The following SLC17A6 variants were observed in gnomAD, a reference collection of about 807,000 sequenced individuals.
SLC17A6 encodes the protein vesicular glutamate transporter 2.
In SLC17A6, 35 loss-of-function variants were observed where a neutral mutation model predicts 67.1. That is an observed-to-expected ratio of 0.52 (90% CI 0.40 to 0.69). SLC17A6 has a LOEUF of 0.69. Among genes scored for constraint, SLC17A6 ranks in the 30% least tolerant of loss-of-function variants. The pLI is 0.00. For missense variants in SLC17A6, 588 were observed against 723.9 expected (o/e 0.81, Z 2.15); for synonymous variants, 285 against 252.3 (o/e 1.13, Z -1.23).
chr11:22,374,284 A>G (rs1021815845), intron 8 of SLC17A6, among the ~76,000 whole-genome samples: 3 of 152,226 alleles, frequency 2.0e-5, no homozygotes, highest in African/African-American at 4.8e-5. Flanking sequence ...CTTACTCTAT[A>G]GAAATTATGT....
intron 3 of SLC17A6, among the ~76,000 whole-genome samples, chr11:22,357,790 C>T (rs1856007461): frequency 6.6e-6 from 1 of 152,108 alleles, no homozygotes; most frequent in African/African-American, 2.4e-5. Context: ...AAAAGTTTGT[C>T]CTCAAACCTT....
intron 8 of SLC17A6, among the ~76,000 whole-genome samples, chr11:22,373,301 C>T (rs1396916627): frequency 1.3e-5 from 2 of 152,102 alleles, no homozygotes; most frequent in Admixed American, 6.5e-5. Context: ...AAAAATATGC[C>T]ATGTAATTCT....
At chr11:22,339,970 C>A (rs1321665781) in intron 1 of SLC17A6, among the ~76,000 whole-genome samples, 1 of 151,928 alleles carries the variant, frequency 6.6e-6, no homozygotes, top group East Asian at 1.9e-4. Context: ...GCAATGTTTT[C>A]TAACATTGTG....
At chr11:22,342,642 A>G (rs1855830310) in intron 2 of SLC17A6, among the ~76,000 whole-genome samples, 1 of 152,018 alleles carries the variant, frequency 6.6e-6, no homozygotes, top group Non-Finnish European at 1.5e-5. Context: ...CCTGCCCCGT[A>G]TTTATTAAAA....
chr11:22,343,350 G>C lies in SLC17A6; in HGVS notation c.443G>C (p.Arg148Pro). ...ATTCCGGGAGGCTACATCGCGTCTC[G>C]GCTGGCAGCCAACAGGTAATGCGCC... ...TQIPGGYIAS[R>P]LAANRVFGAA... Residue 148 changes from arginine (R) to proline (P), a missense_variant, in exon 3 of 12, where the codon CGG becomes CCG. This residue lies in a region of SLC17A6 where 414 missense variants were observed against 563.4 expected (regional missense o/e 0.73). Transcript: ENST00000263160. 6.2e-7 allele frequency: 1 copy of C among 1,610,938 alleles called. No individual in the cohort carries two copies. Among genetic ancestry groups the C allele is most frequent in the Non-Finnish European group, 8.5e-7 (1 of 1,179,206 alleles).
intron 6 of SLC17A6, 134 bp downstream of exon 6, chr11:22,362,959 C>T (rs990250264): frequency 1.5e-6 from 1 of 653,182 alleles, no homozygotes; most frequent in African/African-American, 1.8e-5. Flanking sequence ...AAGAATCCTT[C>T]CATTGTATTC....
chr11:22,338,689 C>T (rs1034620271), intron 1 of SLC17A6, 70 bp downstream of exon 1: 70 of 1,105,420 alleles, frequency 6.3e-5, no homozygotes, highest in Middle Eastern at 2.0e-4. Context: ...TTTCCGTAAA[C>T]CCTGGTGGCT....
At chr11:22,340,443 T>C (rs1030612562) in intron 1 of SLC17A6, among the ~76,000 whole-genome samples, 1 of 152,238 alleles carries the variant, frequency 6.6e-6, no homozygotes, top group Non-Finnish European at 1.5e-5. Flanking sequence ...CCTTTTCATT[T>C]GTCCCTTCTC....
chr11:22,355,567 C>A (rs1855985723), intron 3 of SLC17A6, among the ~76,000 whole-genome samples: 1 of 152,090 alleles, frequency 6.6e-6, no homozygotes, highest in South Asian at 2.1e-4. Flanking sequence ...TCTGAAGTCA[C>A]CCCAAACTCA....
At chr11:22,366,266 GC>G (rs78471812) in intron 7 of SLC17A6, among the ~76,000 whole-genome samples, 9 of 151,614 alleles carry the variant, frequency 5.9e-5, no homozygotes, top group South Asian at 2.1e-4. Context: ...AAGTGAATGT[GC>G]CCCCCCCACC....
intron 1 of SLC17A6, 106 bp from the exon 2 acceptor site, chr11:22,341,422 G>A: frequency 1.3e-6 from 2 of 1,488,976 alleles, no homozygotes; most frequent in Middle Eastern, 2.5e-4. Context: ...GGGGGAGGTC[G>A]ACGGCCCTCC....
intron 7 of SLC17A6, among the ~76,000 whole-genome samples, chr11:22,369,679 G>C (rs920996180): frequency 6.6e-6 from 1 of 151,616 alleles, no homozygotes; most frequent in Non-Finnish European, 1.5e-5. Context: ...GTGGCAGTGA[G>C]TTTTTGCTGA....
intron 3 of SLC17A6, among the ~76,000 whole-genome samples, chr11:22,351,454 A>G (rs1403456431): frequency 1.3e-5 from 2 of 152,166 alleles, no homozygotes; most frequent in South Asian, 2.1e-4. Context: ...TATGACCATG[A>G]AGGCAGGCAT....
chr11:22,352,489 C>G (rs568292041), intron 3 of SLC17A6, among the ~76,000 whole-genome samples: 2 of 152,244 alleles, frequency 1.3e-5, no homozygotes, highest in African/African-American at 2.4e-5. Flanking sequence ...CTACATATAC[C>G]TCAGAAGAGG....
intron 3 of SLC17A6, among the ~76,000 whole-genome samples, chr11:22,346,809 TA>T (rs1271195407): frequency 4.7e-5 from 7 of 148,480 alleles, no homozygotes; most frequent in Non-Finnish European, 1.0e-4. Flanking sequence ...AAATAGCATA[TA>T]TATATATAAT....
intron 6 of SLC17A6, 28 bp downstream of exon 6, chr11:22,362,853 T>G: frequency 6.4e-7 from 1 of 1,569,048 alleles, no homozygotes; most frequent in Middle Eastern, 1.7e-4. Context: ...GCAATAGAGT[T>G]AAAGGAAATG....
Position 22,377,389 on chromosome 11 carries a change from C to A in SLC17A6, c.1414-16C>A. On this transcript the variant is annotated splice_polypyrimidine_tract_variant and intron_variant, in intron 11 of 11. Transcript: ENST00000263160. ...TGGGGAGTCAGTTCTCACAGTGCTG[C>A]TTTTTCTCACTGCAGTCACGTGAAG... 6.3e-7 allele frequency: 1 copy of A among 1,585,334 alleles called. No homozygotes were observed. The highest frequency in any genetic ancestry group is 8.6e-7 in the Non-Finnish European group (1 of 1,163,310).
intron 1 of SLC17A6, among the ~76,000 whole-genome samples, chr11:22,340,191 T>C (rs777705819): frequency 1.2e-4 from 19 of 152,328 alleles, no homozygotes; most frequent in Non-Finnish European, 2.6e-4. Flanking sequence ...GGTGTTCACA[T>C]AGCACTTAAA....
chr11:22,340,170 G>A (rs1855799347), intron 1 of SLC17A6, among the ~76,000 whole-genome samples: 1 of 152,214 alleles, frequency 6.6e-6, no homozygotes, highest in African/African-American at 2.4e-5. Flanking sequence ...CCGTGTGTGT[G>A]AAAACAATTG....
Sources: gnomAD v4.1 joint callset for allele counts (sites outside exome capture counted in the v4.1 genomes callset) on GRCh38, gnomAD v4.1.1 for gene constraint, gnomAD v4.1.1 regional missense constraint, MANE v1.5 for transcripts, NCBI Gene and HGNC (gene_info 2026-07-23, HGNC 2026-07-21) for gene names.